The following ASZ1 variants were observed in gnomAD, a reference collection of about 807,000 sequenced individuals.
ASZ1 encodes ankyrin repeat, SAM and basic leucine zipper domain-containing protein 1.
A neutral mutation model predicts 61.8 loss-of-function variants in ASZ1; 67 were observed. That is an observed-to-expected ratio of 1.08 (90% confidence interval 0.89 to 1.33). The LOEUF is 1.33. Among genes scored for constraint, ASZ1 ranks in the 40% most tolerant of loss-of-function variants. The pLI, the probability that ASZ1 is intolerant of heterozygous loss-of-function variation, is 0.00. For missense variants in ASZ1, 577 were observed against 554.5 expected (o/e 1.04, Z -0.41); for synonymous variants, 193 against 192.7 (o/e 1.00, Z -0.01).
chr7:117,364,544 A>T (rs1442860123), intron 12 of ASZ1, among the ~76,000 whole-genome samples: 3 of 151,792 alleles, frequency 2.0e-5, no homozygotes, highest in Non-Finnish European at 2.9e-5. Flanking sequence ...AGCAGAAACC[A>T]AAGATCCTTG....
At chr7:117,422,822 A>G (rs1001150152) in intron 2 of ASZ1, among the ~76,000 whole-genome samples, 1 of 152,214 alleles carries the variant, frequency 6.6e-6, no homozygotes, top group African/African-American at 2.4e-5. Context: ...CTGATAAAAC[A>G]TGAAGCTAAA....
chr7:117,367,871 G>T lies in ASZ1; in HGVS notation c.1162-406C>A, dbSNP rs1021530074. Reference sequence around the variant, plus strand: ...CACATGAAATAAGCTGCTTTTGCAGGCCACTTCCACTTTTTCTTTCTTTTT... The same window carrying T: ...CACATGAAATAAGCTGCTTTTGCAGTCCACTTCCACTTTTTCTTTCTTTTT... On this transcript the variant is annotated intron_variant, in intron 11 of 12. Coordinates refer to ENST00000284629, the MANE Select transcript of ASZ1 (RefSeq NM_130768.3). 9 of 985,734 alleles carry T rather than the reference G, an allele frequency of 9.1e-6. No homozygotes were observed. The African/African-American group carries it at 1.2e-4, about 13-fold the overall frequency. The allele number at this position is 985,734 out of a possible 1,614,324, so 61.1% of individuals were successfully genotyped here.
rs1796747120 is a variant in ASZ1 at position 117,404,610 on chromosome 7, G to A, written c.440+15553C>T. Among the ~76,000 whole-genome samples the A allele has an allele frequency of 3.3e-5, 5 of 151,848 alleles. No individual in the cohort carries two copies. The South Asian group carries it at 1.0e-3, about 32-fold the overall frequency. On this transcript the variant is annotated intron_variant, in intron 4 of 12. Coordinates refer to ENST00000284629, the MANE Select transcript of ASZ1 (RefSeq NM_130768.3). ...CAACTGCAGAATTCTCTTTTATTCT[G>A]GCAGTAACCAATTCACTTTTGGGAT...
In ASZ1 at chr7:117,427,343, C is replaced by T; in HGVS notation, c.105+13G>A. On this transcript the variant is annotated intron_variant, in intron 1 of 12. Coordinates refer to ENST00000284629, the MANE Select transcript of ASZ1 (RefSeq NM_130768.3). Reference sequence around the variant, plus strand: ...GAAACCAGGTGTGGTCAAGACAAGGCCTCCTCCGCTACCTGAGACGTCCGG... The same window carrying T: ...GAAACCAGGTGTGGTCAAGACAAGGTCTCCTCCGCTACCTGAGACGTCCGG... 1 of 1,613,960 alleles carries T rather than the reference C, an allele frequency of 6.2e-7. No individual in the cohort carries two copies. Among genetic ancestry groups the T allele is most frequent in the Non-Finnish European group, 8.5e-7 (1 of 1,179,798 alleles).
intron 2 of ASZ1, 125 bp from the exon 3 acceptor site, chr7:117,422,484 T>G (rs1797118504): frequency 1.9e-5 from 21 of 1,086,842 alleles, no homozygotes; most frequent in Non-Finnish European, 2.5e-5. Flanking sequence ...CATGGGAAGT[T>G]TTTAATGGCT....
chr7:117,393,633 G>A (rs1198752169), intron 4 of ASZ1, among the ~76,000 whole-genome samples: 2 of 151,984 alleles, frequency 1.3e-5, no homozygotes, highest in Non-Finnish European at 2.9e-5. Flanking sequence ...TTTTAGGTGT[G>A]ACTTCACTAG....
intron 12 of ASZ1, 108 bp from the exon 13 acceptor site, chr7:117,363,856 AT>A: frequency 2.1e-6 from 2 of 942,000 alleles, no homozygotes; most frequent in Non-Finnish European, 2.8e-6. Context: ...ATTTCACTTG[AT>A]TTAGATGTAG....
Position 117,384,963 on chromosome 7 carries a change from ATAGT to A in ASZ1, c.553-107_553-104del, listed in dbSNP as rs539734887. 4.0e-4 allele frequency: 416 copies of A among 1,048,714 alleles called. 2 individuals are homozygous for A. In the African/African-American group the frequency reaches 6.3e-3, roughly 16 times the overall value. 65.0% of individuals were successfully genotyped at this position (1,048,714 alleles called of 1,614,324 possible). A position where few individuals can be genotyped will look rare whatever the true frequency, so the allele number is the denominator to read the frequency against. ...TTTATGACACAATAAAAAAGAGAAC[ATAGT>A]TAATTAATGGAATGATGCAATCTCT... On this transcript the variant is annotated intron_variant, in intron 5 of 12. Transcript: ENST00000284629.
intron 4 of ASZ1, among the ~76,000 whole-genome samples, chr7:117,386,924 C>A (rs1387720585): frequency 6.6e-6 from 1 of 151,810 alleles, no homozygotes; most frequent in African/African-American, 2.4e-5. Flanking sequence ...CTTGAATATC[C>A]CTTACATAGT....
At chr7:117,381,854 A>G (rs1431473880) in intron 8 of ASZ1, among the ~76,000 whole-genome samples, 1 of 152,092 alleles carries the variant, frequency 6.6e-6, no homozygotes, top group Non-Finnish European at 1.5e-5. Flanking sequence ...GTGGGTAAAA[A>G]CTGTTTAATC....
At chr7:117,377,518 A>G (rs1796159159) in intron 10 of ASZ1, among the ~76,000 whole-genome samples, 1 of 152,102 alleles carries the variant, frequency 6.6e-6, no homozygotes, top group South Asian at 2.1e-4. Flanking sequence ...ACAGGGCGAG[A>G]CCTGGTCTCA....
intron 4 of ASZ1, among the ~76,000 whole-genome samples, chr7:117,390,135 T>G (rs1429616728): frequency 6.6e-6 from 1 of 151,928 alleles, no homozygotes; most frequent in African/African-American, 2.4e-5. Flanking sequence ...CACTCTTGAG[T>G]TGATGGGCAC....
rs201128524 is a variant in ASZ1, at chr7:117,381,113, G to C, written c.889-46C>G. The C allele has an allele frequency of 1.1e-4, 156 of 1,468,730 alleles. No individual in the cohort carries two copies. The African/African-American group carries it at 2.1e-3, about 20-fold the overall frequency. 91.0% of individuals were successfully genotyped at this position (1,468,730 alleles called of 1,614,324 possible). A position where few individuals can be genotyped will look rare whatever the true frequency, so the allele number is the denominator to read the frequency against. On this transcript the variant is annotated intron_variant, in intron 8 of 12. Coordinates refer to ENST00000284629, the MANE Select transcript of ASZ1 (RefSeq NM_130768.3). Reference sequence around the variant, plus strand: ...GCCACCTTTCCATATAATTAAAATAGTAGAAGGAGAAGTAGGCAAATGTTC... The same window carrying C: ...GCCACCTTTCCATATAATTAAAATACTAGAAGGAGAAGTAGGCAAATGTTC...
chr7:117,370,849 T>TGTGTGTGA (rs1491399393), intron 10 of ASZ1, among the ~76,000 whole-genome samples: 5 of 147,584 alleles, frequency 3.4e-5, no homozygotes, highest in South Asian at 2.2e-4. Context: ...TGTGTGTGTG[T>TGTGTGTGA]GACAGAGTCT....
chr7:117,402,999 C>G (rs1002674195), intron 4 of ASZ1, among the ~76,000 whole-genome samples: 1 of 151,900 alleles, frequency 6.6e-6, no homozygotes, highest in Non-Finnish European at 1.5e-5. Flanking sequence ...AAACATGTAC[C>G]CTCTCCAGGG....
chr7:117,393,285 T>C (rs1796508185), intron 4 of ASZ1, among the ~76,000 whole-genome samples: 1 of 152,330 alleles, frequency 6.6e-6, no homozygotes, highest in South Asian at 2.1e-4. Flanking sequence ...TCTTGTTGAT[T>C]GTGTTATTCT....
chr7:117,376,197 G>GA (rs1333752383), intron 10 of ASZ1, among the ~76,000 whole-genome samples: 3 of 152,120 alleles, frequency 2.0e-5, no homozygotes, highest in East Asian at 3.9e-4. Flanking sequence ...TGATAAATTA[G>GA]AAAAAATGAA....
chr7:117,366,689 C>G (rs921760834), intron 12 of ASZ1, among the ~76,000 whole-genome samples: 5 of 151,460 alleles, frequency 3.3e-5, no homozygotes, highest in African/African-American at 1.2e-4. Context: ...AAACCAGAAC[C>G]AAAGAAGTCC....
At chr7:117,379,445 GATT>G (rs1796210082) in intron 10 of ASZ1, among the ~76,000 whole-genome samples, 1 of 151,402 alleles carries the variant, frequency 6.6e-6, no homozygotes, top group South Asian at 2.1e-4. Flanking sequence ...ATAGATTTGG[GATT>G]ATTAATAACC....
Sources: allele counts gnomAD v4.1 joint callset (sites outside exome capture counted in the v4.1 genomes callset), GRCh38; gene constraint gnomAD v4.1.1; transcripts MANE v1.5; gene names NCBI Gene and HGNC (gene_info 2026-07-23, HGNC 2026-07-21).